Variants in ST18 observed in about 807,000 individuals in gnomAD.
ST18 encodes the protein suppression of tumorigenicity 18 protein.
Under a neutral mutation model 110.0 loss-of-function variants are expected in ST18, and 50 were observed. The ratio of observed to expected loss-of-function variants is 0.45; its 90% CI spans 0.36 to 0.58. ST18 has a LOEUF of 0.58. ST18 is among the 20% of genes least tolerant of loss of function. ST18 has a pLI of 0.00. For synonymous variants in ST18, 461 were observed against 452.4 expected, an observed-to-expected ratio of 1.02 and a Z score of -0.24; for missense variants, 1,306 against 1,280.1, an observed-to-expected ratio of 1.02 and a Z score of -0.31.
At chr8:52,282,144 C>G (rs534625098) in intron 2 of ST18, among the ~76,000 whole-genome samples, 18 of 152,066 alleles carry the variant, frequency 1.2e-4, no homozygotes, top group Non-Finnish European at 1.6e-4. Context: ...AAAGGAGACA[C>G]AGAGGGGAGA....
chr8:52,230,994 C>T (rs1042514144), intron 2 of ST18, among the ~76,000 whole-genome samples: 2 of 152,116 alleles, frequency 1.3e-5, no homozygotes, highest in African/African-American at 4.8e-5. Context: ...TAAAAAACAA[C>T]CTAAGAGAAA....
intron 8 of ST18, chr8:52,206,538 T>A (rs959591054): frequency 6.6e-6 from 1 of 152,218 alleles, no homozygotes; most frequent in Non-Finnish European, 1.5e-5. Context: ...ACGGAGCCCC[T>A]CCATCACACA....
intron 25 of ST18, among the ~76,000 whole-genome samples, chr8:52,115,648 C>T (rs1428449291): frequency 6.6e-6 from 1 of 152,166 alleles, no homozygotes; most frequent in Non-Finnish European, 1.5e-5. Context: ...TGCGAAAGTT[C>T]ACTGTATGAT....
chr8:52,262,763 T>C (rs2094734352), intron 2 of ST18, among the ~76,000 whole-genome samples: 1 of 152,270 alleles, frequency 6.6e-6, no homozygotes, highest in South Asian at 2.1e-4. Flanking sequence ...TGCCCAAGGC[T>C]GCCTTTGCAG....
At chr8:52,293,268 G>T (rs572351993) in intron 2 of ST18, among the ~76,000 whole-genome samples, 10 of 152,342 alleles carry the variant, frequency 6.6e-5, no homozygotes, top group African/African-American at 2.4e-4. Flanking sequence ...GCTCTGTTTT[G>T]CAGGGCCAGG....
At chr8:52,143,115 A>G in intron 16 of ST18, 70 bp from the exon 17 acceptor site, 2 of 958,374 alleles carry the variant, frequency 2.1e-6, no homozygotes, top group Non-Finnish European at 3.3e-6. Context: ...AACTAGATTT[A>G]AAATCATTGA....
At chr8:52,329,488 C>T (rs1470027813) in intron 2 of ST18, among the ~76,000 whole-genome samples, 1 of 152,102 alleles carries the variant, frequency 6.6e-6, no homozygotes, top group Non-Finnish European at 1.5e-5. Flanking sequence ...GGCATGGTGG[C>T]TCATGCTTGT....
intron 2 of ST18, among the ~76,000 whole-genome samples, chr8:52,356,212 T>C (rs1590197902): frequency 6.6e-6 from 1 of 152,144 alleles, no homozygotes; most frequent in South Asian, 2.1e-4. Context: ...AGTGGAGTTG[T>C]AAACAGCCTG....
At chr8:52,282,721 GGGTGAGTCATCGGGAA>G (rs1207999161) in intron 2 of ST18, among the ~76,000 whole-genome samples, 5 of 152,214 alleles carry the variant, frequency 3.3e-5, no homozygotes, top group South Asian at 2.1e-4. Flanking sequence ...AGTGCCGCTG[GGGTGAGTCATCGGGAA>G]GGTGAGTCAT....
At chr8:52,122,651 GT>G (rs960691364) in intron 23 of ST18, among the ~76,000 whole-genome samples, 11 of 150,282 alleles carry the variant, frequency 7.3e-5, no homozygotes, top group South Asian at 2.1e-4. Context: ...CTCAGCTAAT[GT>G]TTTTTTTTGT....
Position 52,155,523 on chromosome 8 carries a change from AG to A in ST18, c.1806+3374del, listed in dbSNP as rs1373583491. 3.3e-5 allele frequency among the ~76,000 whole-genome samples: 5 copies of A among 152,132 alleles called. No individual in the cohort carries two copies. The East Asian group carries it at 9.7e-4, about 29-fold the overall frequency. On this transcript the variant is annotated intron_variant, in intron 15 of 25. Coordinates refer to ENST00000689386, the MANE Select transcript of ST18 (RefSeq NM_001352837.2). Reference sequence around the variant, plus strand: ...GGGGTGTGATGGGAGCCGGCACTTGAGGGATGCTGGTTGAGTGAATGGATGA... The same window carrying A: ...GGGGTGTGATGGGAGCCGGCACTTGAGGATGCTGGTTGAGTGAATGGATGA...
intron 2 of ST18, among the ~76,000 whole-genome samples, chr8:52,364,457 C>T (rs185915797): frequency 1.1e-3 from 167 of 152,192 alleles, no homozygotes; most frequent in African/African-American, 3.9e-3. Context: ...GATGGGTATA[C>T]GCGGTCAGCA....
chr8:52,375,944 T>C (rs1314724147), intron 2 of ST18, among the ~76,000 whole-genome samples: 2 of 152,176 alleles, frequency 1.3e-5, no homozygotes, highest in Admixed American at 1.3e-4. Flanking sequence ...TTGCATCTAC[T>C]ACTCCGCTCA....
At chr8:52,233,604 T>C (rs919253468) in intron 2 of ST18, among the ~76,000 whole-genome samples, 2 of 151,610 alleles carry the variant, frequency 1.3e-5, no homozygotes, top group Non-Finnish European at 2.9e-5. Context: ...CGTCTCTGGT[T>C]ATTTGAACAT....
chr8:52,164,971 T>C (rs2062473602), intron 12 of ST18, among the ~76,000 whole-genome samples, 164 bp downstream of exon 12: 1 of 152,242 alleles, frequency 6.6e-6, no homozygotes, highest in Non-Finnish European at 1.5e-5. Flanking sequence ...TCCTTTCTTT[T>C]TGACAATGCA....
chr8:52,277,135 G>A (rs1291091527), intron 2 of ST18, among the ~76,000 whole-genome samples: 1 of 152,244 alleles, frequency 6.6e-6, no homozygotes. Flanking sequence ...CTGAAGGACT[G>A]CAGAAGGCAT....
intron 2 of ST18, among the ~76,000 whole-genome samples, chr8:52,316,652 T>A (rs2096032706): frequency 6.6e-6 from 1 of 152,238 alleles, no homozygotes; most frequent in South Asian, 2.1e-4. Context: ...CATCCTCACA[T>A]TACATTTCCT....
chr8:52,164,705 C>T (rs1201202321), intron 12 of ST18, among the ~76,000 whole-genome samples: 8 of 152,166 alleles, frequency 5.3e-5, no homozygotes, highest in Admixed American at 2.6e-4. Flanking sequence ...GATGTTTACC[C>T]TACACCTGAT....
intron 8 of ST18, among the ~76,000 whole-genome samples, chr8:52,190,628 G>T (rs913324892): frequency 6.6e-6 from 1 of 152,172 alleles, no homozygotes; most frequent in Non-Finnish European, 1.5e-5. Context: ...AGAACCAAGA[G>T]TAGTTAGCAT....
Sources: gnomAD v4.1 joint callset for allele counts (sites outside exome capture counted in the v4.1 genomes callset) on GRCh38, gnomAD v4.1.1 for gene constraint, MANE v1.5 for transcripts, NCBI Gene and HGNC (gene_info 2026-07-23, HGNC 2026-07-21) for gene names.